The following CFAP95 variants were observed in gnomAD, a reference collection of about 807,000 sequenced individuals.
The protein encoded by CFAP95 is cilia- and flagella-associated protein 95.
chr9:69,853,582 A>G, the CFAP95 span, among the ~76,000 whole-genome samples: 1 of 152,200 alleles, frequency 6.6e-6, no homozygotes. Flanking sequence ...CAAAGCCCAA[A>G]AGACTTTTAA....
At chr9:69,901,224 G>A in the CFAP95 span, among the ~76,000 whole-genome samples, 5 of 150,990 alleles carry the variant, frequency 3.3e-5, no homozygotes, top group South Asian at 1.1e-3. Flanking sequence ...TGCAAGCTCC[G>A]CCCCCTGGGA....
the CFAP95 span, among the ~76,000 whole-genome samples, chr9:69,854,235 C>G: frequency 1.3e-5 from 2 of 152,202 alleles, no homozygotes; most frequent in African/African-American, 4.8e-5. Context: ...CTTTCCATGT[C>G]TTCATTTCCT....
chr9:69,844,637 C>T, the CFAP95 span: 1 of 1,573,394 alleles, frequency 6.4e-7, no homozygotes, highest in Non-Finnish European at 8.7e-7. Flanking sequence ...TAAGTAGTTG[C>T]TATTACTTCG....
chr9:69,856,075 G>T, the CFAP95 span, among the ~76,000 whole-genome samples: 1 of 152,030 alleles, frequency 6.6e-6, no homozygotes, highest in Non-Finnish European at 1.5e-5. Flanking sequence ...CAATTGGTTT[G>T]AGTACATCTT....
chr9:69,883,675 A>C, the CFAP95 span, among the ~76,000 whole-genome samples: 33,578 of 151,906 alleles, frequency 0.22, 4,246 homozygotes, highest in Non-Finnish European at 0.27. Context: ...ATTGGCATAT[A>C]GTTTCCTGTA....
the CFAP95 span, among the ~76,000 whole-genome samples, chr9:69,854,424 T>C: frequency 6.6e-6 from 1 of 152,254 alleles, no homozygotes; most frequent in Non-Finnish European, 1.5e-5. Flanking sequence ...CCTAGTATGA[T>C]GCCTGGCACT....
the CFAP95 span, chr9:69,884,409 C>A: frequency 6.6e-6 from 1 of 152,234 alleles, no homozygotes; most frequent in East Asian, 1.9e-4. Context: ...AGTACAGGTG[C>A]AAGCTACTGA....
At chr9:69,831,613 T>C in the CFAP95 span, among the ~76,000 whole-genome samples, 1 of 152,114 alleles carries the variant, frequency 6.6e-6, no homozygotes, top group African/African-American at 2.4e-5. Context: ...TACTGTGATA[T>C]GTGTTTTGAT....
chr9:69,843,547 TC>T, the CFAP95 span, among the ~76,000 whole-genome samples: 3 of 26,206 alleles, frequency 1.1e-4, 1 homozygote, highest in African/African-American at 2.7e-4. Flanking sequence ...CTCCTCCTCC[TC>T]CTCCTCCTCC....
the CFAP95 span, among the ~76,000 whole-genome samples, chr9:69,889,671 A>G: frequency 6.6e-6 from 1 of 152,110 alleles, no homozygotes; most frequent in Admixed American, 6.6e-5. Flanking sequence ...TGTGATAACT[A>G]AACTCTTTCT....
the CFAP95 span, among the ~76,000 whole-genome samples, chr9:69,858,686 A>G: frequency 1.3e-5 from 2 of 152,238 alleles, no homozygotes; most frequent in Admixed American, 6.5e-5. Context: ...AAATGTGACC[A>G]GAGGCTTGCA....
At chr9:69,879,699 C>T in the CFAP95 span, among the ~76,000 whole-genome samples, 1 of 152,148 alleles carries the variant, frequency 6.6e-6, no homozygotes, top group African/African-American at 2.4e-5. Flanking sequence ...AATTGCTTAT[C>T]AGAGAAGAAA....
the CFAP95 span, among the ~76,000 whole-genome samples, chr9:69,859,254 T>C: frequency 6.6e-6 from 1 of 152,182 alleles, no homozygotes; most frequent in African/African-American, 2.4e-5. Flanking sequence ...CTTTTCTTTT[T>C]TATCTTTACT....
chr9:69,884,973 G>A, the CFAP95 span: 1 of 152,146 alleles, frequency 6.6e-6, no homozygotes, highest in African/African-American at 2.4e-5. Context: ...GCTGAGATAT[G>A]TATTGCTGGG....
At chr9:69,851,171 G>A in the CFAP95 span, among the ~76,000 whole-genome samples, 1 of 152,006 alleles carries the variant, frequency 6.6e-6, no homozygotes, top group Admixed American at 6.6e-5. Flanking sequence ...TTGAACAAAC[G>A]AGACTTGAAT....
chr9:69,876,905 G>A, the CFAP95 span, among the ~76,000 whole-genome samples: 13 of 152,238 alleles, frequency 8.5e-5, 1 homozygote, highest in Middle Eastern at 0.01. Context: ...AAAGTGTTGG[G>A]ATTACAGGCA....
the CFAP95 span, among the ~76,000 whole-genome samples, chr9:69,825,878 CT>C: frequency 6.6e-6 from 1 of 152,152 alleles, no homozygotes; most frequent in Non-Finnish European, 1.5e-5. Context: ...GGAGACAGTT[CT>C]TGCTCTGGTC....
At chr9:69,864,094 C>G in the CFAP95 span, among the ~76,000 whole-genome samples, 3 of 152,252 alleles carry the variant, frequency 2.0e-5, no homozygotes, top group Admixed American at 6.5e-5. Flanking sequence ...CGAGGTAGAC[C>G]TCACACAAGG....
At chr9:69,878,518 G>C in the CFAP95 span, among the ~76,000 whole-genome samples, 1 of 152,176 alleles carries the variant, frequency 6.6e-6, no homozygotes, top group Non-Finnish European at 1.5e-5. Context: ...GTAAATCCAA[G>C]TTTGTGGTAT....
Sources: gnomAD v4.1 joint callset for allele counts (sites outside exome capture counted in the v4.1 genomes callset) on GRCh38, gnomAD v4.1.1 for gene constraint, MANE v1.5 for transcripts, NCBI Gene and HGNC (gene_info 2026-07-23, HGNC 2026-07-21) for gene names.